The following NOL8 variants were observed in gnomAD, a reference collection of about 807,000 sequenced individuals.
NOL8 encodes the protein nucleolar protein 8.
NOL8 carries 93 observed loss-of-function variants against 116.1 expected under a neutral mutation model. That is an observed-to-expected ratio of 0.80 (90% CI 0.68 to 0.95). The LOEUF is 0.95. NOL8 is among the 40% of genes least tolerant of loss of function. The pLI is 0.00. For synonymous variants in NOL8, 419 were observed against 469.0 expected (o/e 0.89, Z 1.38); for missense variants, 1,291 against 1,382.8 (o/e 0.93, Z 1.05).
chr9:92,302,834 A>G (rs1233296627), intron 12 of NOL8, among the ~76,000 whole-genome samples: 1 of 152,232 alleles, frequency 6.6e-6, no homozygotes, highest in African/African-American at 2.4e-5. Flanking sequence ...AAGGACCTTG[A>G]AAAAACTGTT....
At position 92,306,959 on chromosome 9, in the gene NOL8, C is replaced by T. The variant is rs535384367; in HGVS notation, c.2752G>A (p.Val918Ile). 1 of 1,613,298 alleles carries T rather than the reference C, an allele frequency of 6.2e-7. No homozygotes were observed. The highest frequency in any genetic ancestry group is 1.1e-5 in the South Asian group (1 of 90,998). ...TTGATTTGCAAAACACTTTGTACAA[C>T]ATTCAGGGCTTTCTTTTTTTCTTCA... ...LAEEKKKALNVVQSVLQINLS... is the reference protein window; with the variant it reads ...LAEEKKKALNIVQSVLQINLS... The change falls in exon 11 of 17, where the codon GTT becomes ATT. Residue 918 changes from valine (V) to isoleucine (I), a missense_variant. By Grantham distance (29) the Val-to-Ile change is conservative (BLOSUM62 3). Coordinates refer to ENST00000442668, the MANE Select transcript of NOL8 (RefSeq NM_017948.6).
intron 13 of NOL8, among the ~76,000 whole-genome samples, chr9:92,301,162 G>T (rs1837709617): frequency 6.6e-6 from 1 of 152,136 alleles, no homozygotes; most frequent in Non-Finnish European, 1.5e-5. Context: ...TAAAACCAAG[G>T]TTACCTATAT....
At chr9:92,317,978 T>C (rs1211002589) in intron 6 of NOL8, among the ~76,000 whole-genome samples, 1 of 130,508 alleles carries the variant, frequency 7.7e-6, no homozygotes, top group East Asian at 2.2e-4. Context: ...GAGGCTGCAG[T>C]GAGCCAAGAT....
intron 7 of NOL8, 50 bp from the exon 8 acceptor site, chr9:92,311,309 A>T: frequency 7.1e-7 from 1 of 1,404,272 alleles, no homozygotes; most frequent in Non-Finnish European, 9.9e-7. Context: ...TATGATGAAG[A>T]CTCCAAAAGC....
Position 92,324,018 on chromosome 9 carries a change from A to G in NOL8, c.139+5T>C. Reference sequence around the variant, plus strand: ...ATAACTGCCCAGTGAAGGACCATAAATTACCTTGGTCATCTTTCCGTGTGA... The same window carrying G: ...ATAACTGCCCAGTGAAGGACCATAAGTTACCTTGGTCATCTTTCCGTGTGA... On this transcript the variant is annotated splice_donor_5th_base_variant and intron_variant, in intron 2 of 16. Transcript: ENST00000442668. The G allele has an allele frequency of 3.1e-6, 5 of 1,613,798 alleles. No homozygotes were observed. The highest frequency in any genetic ancestry group is 3.4e-6 in the Non-Finnish European group (4 of 1,179,756).
In NOL8 at chr9:92,310,781, C is replaced by G. The variant is rs543620832; in HGVS notation, c.2473-106G>C. ...TTGAAAGCCAGTAACCCAGACTCAT[C>G]TACCAGGAATGAGTAAATGGCAGGT... On this transcript the variant is annotated intron_variant, in intron 8 of 16. Coordinates refer to ENST00000442668, the MANE Select transcript of NOL8 (RefSeq NM_017948.6). The G allele has an allele frequency of 2.8e-5, 34 of 1,228,976 alleles. No individual in the cohort carries two copies. In the African/African-American group the frequency reaches 3.7e-4, roughly 13 times the overall value. 76.1% of individuals were successfully genotyped at this position (1,228,976 alleles called of 1,614,324 possible).
chr9:92,310,558 G>T lies in NOL8; in HGVS notation c.2590C>A (p.Gln864Lys). The change falls in exon 9 of 17, where the codon CAG becomes AAG. Residue 864 changes from glutamine to lysine, a missense_variant. Gln to Lys is a moderately conservative substitution (Grantham distance 53). Transcript: ENST00000442668. Reference sequence around the variant, plus strand: ...TATTTTCAGTCTTCACTAACCTTCTGTCCAGCTCTGCCCTCAAACTGAGGT... The same window carrying T: ...TATTTTCAGTCTTCACTAACCTTCTTTCCAGCTCTGCCCTCAAACTGAGGT... ...IKPQFEGRAG[Q>K]KLMDLQSHFG... The T allele has an allele frequency of 6.2e-7, 1 of 1,604,800 alleles. No homozygotes were observed. The highest frequency in any genetic ancestry group is 8.5e-7 in the Non-Finnish European group (1 of 1,176,838).
intron 4 of NOL8, 67 bp downstream of exon 4, chr9:92,321,601 A>G (rs1039104547): frequency 5.9e-6 from 5 of 851,484 alleles, no homozygotes; most frequent in African/African-American, 5.3e-5. Flanking sequence ...GATAATTTGA[A>G]ATAATATATA....
intron 10 of NOL8, among the ~76,000 whole-genome samples, chr9:92,307,432 T>C (rs1838376403): frequency 6.6e-6 from 1 of 152,188 alleles, no homozygotes; most frequent in Admixed American, 6.5e-5. Context: ...AAAATGGTAA[T>C]GGTATATCTG....
chr9:92,299,731 G>A (rs1160921078), intron 14 of NOL8, among the ~76,000 whole-genome samples, 159 bp downstream of exon 14: 1 of 150,054 alleles, frequency 6.7e-6, no homozygotes, highest in Non-Finnish European at 1.5e-5. Flanking sequence ...CAGCCTGGGC[G>A]ACAGAGCAAC....
rs184902161 is a variant in NOL8 at position 92,314,895 on chromosome 9, C to T, written c.1730G>A (p.Gly577Asp). ...CATTGACTCCTTTTCATATAGACAGCCTACTCCCTTGAAAGCCTGAAATTT... is the reference window on the plus strand; with the variant it reads ...CATTGACTCCTTTTCATATAGACAGTCTACTCCCTTGAAAGCCTGAAATTT... ...KPKFQAFKGV[G>D]CLYEKESMKK... is the part of the protein sequence containing the mutation. Residue 577 changes from glycine (G) to aspartate (D), a missense_variant, in exon 7 of 17, where the codon GGC (glycine) becomes GAC (aspartate). By Grantham distance (94) the Gly-to-Asp change is moderately conservative. Coordinates refer to ENST00000442668, the MANE Select transcript of NOL8 (RefSeq NM_017948.6). 6.1e-4 allele frequency: 988 copies of T among 1,613,648 alleles called. 3 individuals carry two copies. The highest frequency in any genetic ancestry group is 3.9e-4 in the Non-Finnish European group (465 of 1,179,846).
chr9:92,319,442 G>T, intron 4 of NOL8, 86 bp from the exon 5 acceptor site: 1 of 1,363,430 alleles, frequency 7.3e-7, no homozygotes, highest in Non-Finnish European at 9.6e-7. Context: ...GCCTAAATGA[G>T]CACTATAAAC....
chr9:92,310,744 T>G, intron 8 of NOL8, 69 bp from the exon 9 acceptor site: 1 of 1,492,446 alleles, frequency 6.7e-7, no homozygotes, highest in African/African-American at 1.4e-5. Context: ...TAACGTAATC[T>G]TCTCCCTCAC....
chr9:92,323,147 T>C (rs1410166378), intron 3 of NOL8: 1 of 441,594 alleles, frequency 2.3e-6, no homozygotes, highest in Non-Finnish European at 4.0e-6. Flanking sequence ...TGGCATGATA[T>C]TCAGTGGGAT....
chr9:92,308,395 G>C (rs1838468772), intron 10 of NOL8, among the ~76,000 whole-genome samples: 1 of 151,876 alleles, frequency 6.6e-6, no homozygotes, highest in African/African-American at 2.4e-5. Flanking sequence ...GAGAAGGAAA[G>C]AAAAAAACAA....
At position 92,305,839 on chromosome 9, in the gene NOL8, A is replaced by G; in HGVS notation, c.2826-9T>C. ...CATAATGTATGATGTCCCTATGTAA[A>G]AAAAGGAAGGGAGGTTGGAAGAGAT... On this transcript the variant is annotated splice_polypyrimidine_tract_variant and intron_variant, in intron 11 of 16. Transcript: ENST00000442668. 6.2e-7 allele frequency: 1 copy of G among 1,600,254 alleles called. No homozygotes were observed. Among genetic ancestry groups the G allele is most frequent in the Non-Finnish European group, 8.6e-7 (1 of 1,168,172 alleles).
Position 92,314,278 on chromosome 9 carries a change from G to A in NOL8, c.2347C>T (p.Leu783=), listed in dbSNP as rs763526930. 6.4e-7 allele frequency: 1 copy of A among 1,567,498 alleles called. No homozygotes were observed. The highest frequency in any genetic ancestry group is 8.7e-7 in the Non-Finnish European group (1 of 1,155,970). The change falls in exon 7 of 17, where the codon CTG becomes TTG. Residue 783 remains leucine (L), a synonymous_variant. Transcript: ENST00000442668. ...EVQKKLVHNA[L]ANLDGHPEDK... ...GAAAATATACTCACCAAATTTGCCA[G>A]AGCATTATGCACCAGCTTCTTCTGC...
Position 92,315,905 on chromosome 9 carries a change from C to G in NOL8, c.720G>C (p.Arg240Ser), listed in dbSNP as rs1224034027. The change falls in exon 7 of 17, where the codon AGG (arginine) becomes AGC (serine). Residue 240 changes from arginine (R) to serine (S), a missense_variant. By Grantham distance (110) the Arg-to-Ser change is moderately radical. Coordinates refer to ENST00000442668, the MANE Select transcript of NOL8 (RefSeq NM_017948.6). ...TTAAGGGTGGTCTCTCTATTACCCT[C>G]CTGGGCCTTGTACTCATGGCCAGAG... ...TGSLAMSTRP[R>S]RVIERPPLTQ... is the part of the protein sequence containing the mutation. 6 of 1,613,696 alleles carry G rather than the reference C, an allele frequency of 3.7e-6. No homozygotes were observed. Among genetic ancestry groups the G allele is most frequent in the Non-Finnish European group, 3.4e-6 (4 of 1,179,892 alleles).
At chr9:92,302,273 G>T (rs1837818793) in intron 12 of NOL8, among the ~76,000 whole-genome samples, 1 of 152,090 alleles carries the variant, frequency 6.6e-6, no homozygotes, top group Admixed American at 6.5e-5. Context: ...TTATAAATAT[G>T]TATAGTGTCT....
Sources: allele counts gnomAD v4.1 joint callset (sites outside exome capture counted in the v4.1 genomes callset), GRCh38; gene constraint gnomAD v4.1.1; transcripts MANE v1.5; gene names NCBI Gene and HGNC (gene_info 2026-07-23, HGNC 2026-07-21).